The following VPS37A variants were observed in gnomAD, a reference collection of about 807,000 sequenced individuals.
VPS37A encodes VPS37A subunit of ESCRT-I.
Under a neutral mutation model 49.8 loss-of-function variants are expected in VPS37A, and 30 were observed. The observed-to-expected ratio is 0.60, with a 90% confidence interval of 0.45 to 0.82. The LOEUF is 0.82. Ranked by LOEUF, VPS37A falls within the 40% of genes least tolerant of loss-of-function variation. The pLI, the probability that VPS37A is intolerant of heterozygous loss-of-function variation, is 0.00. For missense variants in VPS37A, 593 were observed against 464.4 expected, an observed-to-expected ratio of 1.28 and a Z score of -2.55; for synonymous variants, 195 against 160.6, an observed-to-expected ratio of 1.21 and a Z score of -1.62.
chr8:17,309,558 A>AC, the VPS37A span, among the ~76,000 whole-genome samples: 1 of 152,152 alleles, frequency 6.6e-6, no homozygotes, highest in Non-Finnish European at 1.5e-5. Context: ...AAATGCAGGA[A>AC]CCCCACCCGC....
intron 4 of VPS37A, among the ~76,000 whole-genome samples, chr8:17,270,146 C>A (rs1171409990): frequency 1.3e-5 from 2 of 152,094 alleles, no homozygotes; most frequent in Admixed American, 6.5e-5. Flanking sequence ...ATGAGAAATA[C>A]ACCCCCATGA....
At chr8:17,322,099 C>T in the VPS37A span, among the ~76,000 whole-genome samples, 1 of 150,770 alleles carries the variant, frequency 6.6e-6, no homozygotes, top group African/African-American at 2.5e-5. Context: ...ACAGCCCTCC[C>T]TTGATTACCA....
At chr8:17,257,139 C>T (rs2150355973) in intron 1 of VPS37A, among the ~76,000 whole-genome samples, 1 of 152,262 alleles carries the variant, frequency 6.6e-6, no homozygotes, top group African/African-American at 2.4e-5. Flanking sequence ...CATTCTTCAG[C>T]ATATAGTTAC....
intron 1 of VPS37A, among the ~76,000 whole-genome samples, chr8:17,265,001 A>C (rs990139510): frequency 2.6e-5 from 4 of 152,228 alleles, no homozygotes; most frequent in African/African-American, 9.6e-5. Context: ...GCCAATACCA[A>C]AGACCCAAGA....
intron 11 of VPS37A, among the ~76,000 whole-genome samples, chr8:17,292,308 T>G (rs750873821): frequency 9.2e-5 from 14 of 152,206 alleles, no homozygotes; most frequent in Non-Finnish European, 1.3e-4. Context: ...TTTTTTACTT[T>G]CCATTGGCTT....
At chr8:17,304,622 AACC>A, downstream of VPS37A, 3 of 1,250,888 alleles carry the variant, frequency 2.4e-6, no homozygotes, top group Non-Finnish European at 3.4e-6. Flanking sequence ...GTTACCTGAA[AACC>A]ACGTGTCTGT....
intron 4 of VPS37A, among the ~76,000 whole-genome samples, chr8:17,270,503 G>A (rs760627902): frequency 9.2e-5 from 14 of 152,116 alleles, no homozygotes; most frequent in Non-Finnish European, 1.9e-4. Context: ...AGGATCCCAA[G>A]AGAGAGAGCA....
chr8:17,255,142 T>A (rs1812321592), intron 1 of VPS37A, among the ~76,000 whole-genome samples: 1 of 152,154 alleles, frequency 6.6e-6, no homozygotes, highest in South Asian at 2.1e-4. Context: ...TTAAACTGAG[T>A]CTTATGAAAT....
chr8:17,312,574 CAAAAAAAAAAAAA>C, the VPS37A span, among the ~76,000 whole-genome samples: 8 of 87,250 alleles, frequency 9.2e-5, no homozygotes, highest in Admixed American at 2.9e-4. Context: ...GACTCCCTCT[CAAAAAAAAAAAAA>C]AAAAAAAAAA....
downstream of VPS37A, among the ~76,000 whole-genome samples, chr8:17,301,450 G>T (rs1817105999): frequency 6.6e-6 from 1 of 152,090 alleles, no homozygotes; most frequent in South Asian, 2.1e-4. Flanking sequence ...AAGGTAGGAA[G>T]GTCTAAATTG....
At chr8:17,315,277 C>T in the VPS37A span, among the ~76,000 whole-genome samples, 1 of 152,052 alleles carries the variant, frequency 6.6e-6, no homozygotes, top group Non-Finnish European at 1.5e-5. Flanking sequence ...AACTATATGA[C>T]CTCCTAGAAA....
chr8:17,279,472 T>C (rs1424262446), intron 6 of VPS37A, among the ~76,000 whole-genome samples: 1 of 152,168 alleles, frequency 6.6e-6, no homozygotes, highest in African/African-American at 2.4e-5. Context: ...ATAGTACTAG[T>C]GTGTTCAACA....
chr8:17,299,968 C>T, downstream of VPS37A: 1 of 1,614,132 alleles, frequency 6.2e-7, no homozygotes, highest in African/African-American at 1.3e-5. Context: ...ATCCTCCACC[C>T]CGGACTCTTG....
chr8:17,317,732 T>C, the VPS37A span, among the ~76,000 whole-genome samples: 6 of 152,162 alleles, frequency 3.9e-5, no homozygotes, highest in African/African-American at 9.7e-5. Flanking sequence ...TTCCAGAGAT[T>C]GTCTAAGGAT....
At chr8:17,288,076 G>A (rs1181794347) in intron 11 of VPS37A, among the ~76,000 whole-genome samples, 1 of 152,162 alleles carries the variant, frequency 6.6e-6, no homozygotes, top group African/African-American at 2.4e-5. Context: ...AATTCCTTAA[G>A]GGTAGGGGCT....
At chr8:17,259,285 TC>T (rs1812764355) in intron 1 of VPS37A, among the ~76,000 whole-genome samples, 1 of 152,140 alleles carries the variant, frequency 6.6e-6, no homozygotes, top group African/African-American at 2.4e-5. Flanking sequence ...TCCATTTTCA[TC>T]TGTTTGAAGA....
At chr8:17,272,022 A>C (rs1381676687) in intron 4 of VPS37A, 4 of 456,596 alleles carry the variant, frequency 8.8e-6, no homozygotes, top group African/African-American at 8.0e-5. Context: ...CACCATCCGC[A>C]CTGCCTGGAA....
chr8:17,312,793 A>T, the VPS37A span, among the ~76,000 whole-genome samples: 1 of 152,158 alleles, frequency 6.6e-6, no homozygotes, highest in African/African-American at 2.4e-5. Flanking sequence ...TATAAATCCA[A>T]GGTATTTATT....
At position 17,265,832 on chromosome 8, in the gene VPS37A, C is replaced by G. The variant is rs779112629; in HGVS notation, c.126-75C>G. On this transcript the variant is annotated intron_variant, in intron 1 of 11. Coordinates refer to ENST00000324849, the MANE Select transcript of VPS37A (RefSeq NM_152415.3). ...AAAATAAAGGTAGTTTTAGTAGATTCTAGCACTTAACATTGGTTTTTAACA... is the reference window on the plus strand; with the variant it reads ...AAAATAAAGGTAGTTTTAGTAGATTGTAGCACTTAACATTGGTTTTTAACA... 4 of 1,608,004 alleles carry G rather than the reference C, an allele frequency of 2.5e-6. No homozygotes were observed. The African/African-American group carries it at 4.0e-5, about 16-fold the overall frequency.
Sources: gnomAD v4.1 joint callset for allele counts (sites outside exome capture counted in the v4.1 genomes callset) on GRCh38, gnomAD v4.1.1 for gene constraint, MANE v1.5 for transcripts, NCBI Gene and HGNC (gene_info 2026-07-23, HGNC 2026-07-21) for gene names.